The following ARID1B variants were observed in gnomAD, a reference collection of about 807,000 sequenced individuals.
The protein encoded by ARID1B is AT-rich interaction domain 1B.
ARID1B carries 30 observed loss-of-function variants against 212.3 expected under a neutral mutation model. The observed-to-expected ratio is 0.14, with a 90% CI of 0.11 to 0.19. The LOEUF (loss-of-function observed/expected upper bound fraction) is 0.19. Ranked by LOEUF, ARID1B falls within the 10% of genes least tolerant of loss-of-function variation. The pLI is 1.00. For synonymous variants in ARID1B, 1,402 were observed against 1,301.7 expected (o/e 1.08, Z -1.66); for missense variants, 2,891 against 3,204.0 (o/e 0.90, Z 2.36).
At chr6:157,011,665 A>G (rs1015268318) in intron 4 of ARID1B, among the ~76,000 whole-genome samples, 2 of 152,190 alleles carry the variant, frequency 1.3e-5, no homozygotes, top group African/African-American at 2.4e-5. Context: ...CATTTTATTT[A>G]TTTTTGTATA....
chr6:157,146,274 C>G (rs753041363), intron 7 of ARID1B, among the ~76,000 whole-genome samples: 9 of 152,196 alleles, frequency 5.9e-5, no homozygotes, highest in Non-Finnish European at 1.3e-4. Context: ...ATGGTTTAAT[C>G]CTGAGAACAC....
chr6:157,161,427 G>GTATA (rs1259094120), intron 8 of ARID1B, among the ~76,000 whole-genome samples: 25 of 130,054 alleles, frequency 1.9e-4, no homozygotes, highest in Admixed American at 7.3e-4. Context: ...TTGATTGTGT[G>GTATA]TGTGTATATA....
intron 4 of ARID1B, among the ~76,000 whole-genome samples, chr6:157,044,958 A>G (rs899483242): frequency 6.6e-6 from 1 of 152,218 alleles, no homozygotes; most frequent in Non-Finnish European, 1.5e-5. Flanking sequence ...AGTTTTTAGC[A>G]TAACAGCCAT....
chr6:157,000,151 T>G (rs1006037229), intron 4 of ARID1B, among the ~76,000 whole-genome samples: 1 of 152,120 alleles, frequency 6.6e-6, no homozygotes, highest in Non-Finnish European at 1.5e-5. Context: ...GAGAAGGCCC[T>G]GCTACAGGAA....
At chr6:156,865,430 A>G (rs1785615327) in intron 2 of ARID1B, among the ~76,000 whole-genome samples, 1 of 152,174 alleles carries the variant, frequency 6.6e-6, no homozygotes, top group African/African-American at 2.4e-5. Context: ...TGCTGTTGTG[A>G]AGTTTGAAGC....
rs116517862 is a variant in ARID1B at position 156,828,756 on chromosome 6, G to A, written c.1792-471G>A. Among the ~76,000 whole-genome samples, 574 of 152,228 alleles carry A rather than the reference G, an allele frequency of 3.8e-3. 2 individuals carry two copies. Among genetic ancestry groups the A allele is most frequent in the African/African-American group, 0.013 (537 of 41,538 alleles). On this transcript the variant is annotated intron_variant, in intron 1 of 19. Coordinates refer to ENST00000636930, the MANE Select transcript of ARID1B (RefSeq NM_001374828.1). ...TCTTTTCACTTTTTAATGAACACTCGGTTGCACTAAGGTTTGATCAAGACT... is the reference window on the plus strand; with the variant it reads ...TCTTTTCACTTTTTAATGAACACTCAGTTGCACTAAGGTTTGATCAAGACT...
chr6:156,983,788 G>A (rs994106268), intron 4 of ARID1B, among the ~76,000 whole-genome samples: 1 of 152,076 alleles, frequency 6.6e-6, no homozygotes, highest in African/African-American at 2.4e-5. Flanking sequence ...CAGATGCTCT[G>A]GCTTTACAAA....
chr6:156,910,236 C>T (rs1038583713), intron 3 of ARID1B, among the ~76,000 whole-genome samples: 2 of 152,176 alleles, frequency 1.3e-5, no homozygotes, highest in Non-Finnish European at 2.9e-5. Flanking sequence ...TTGTAGACCA[C>T]ACCATTAAGT....
At chr6:157,116,993 A>G (rs767185553) in intron 6 of ARID1B, among the ~76,000 whole-genome samples, 8 of 152,148 alleles carry the variant, frequency 5.3e-5, no homozygotes, top group Non-Finnish European at 1.0e-4. Context: ...AGCCTCTGGT[A>G]TTTTGTCCAG....
chr6:157,178,811 C>G (rs1792298701), intron 11 of ARID1B, among the ~76,000 whole-genome samples: 1 of 152,122 alleles, frequency 6.6e-6, no homozygotes, highest in Admixed American at 6.5e-5. Context: ...TTGTAAGAAT[C>G]CAGTCCCTTC....
intron 4 of ARID1B, among the ~76,000 whole-genome samples, chr6:157,049,650 G>C (rs574745860): frequency 6.6e-6 from 1 of 152,150 alleles, no homozygotes; most frequent in African/African-American, 2.4e-5. Context: ...GAAGAGGGGA[G>C]GTGAAGAACA....
intron 12 of ARID1B, among the ~76,000 whole-genome samples, chr6:157,181,969 G>C (rs571095496): frequency 1.2e-4 from 18 of 152,306 alleles, no homozygotes; most frequent in African/African-American, 3.8e-4. Flanking sequence ...AGTACAGGAT[G>C]GGGTGCAGTG....
chr6:156,925,921 C>T (rs1791182723), intron 3 of ARID1B, among the ~76,000 whole-genome samples: 1 of 152,200 alleles, frequency 6.6e-6, no homozygotes, highest in South Asian at 2.1e-4. Context: ...ATGTGATGCA[C>T]TCGTAGTCTG....
At chr6:156,812,976 G>GTGTGTGTGTGTA (rs554173642) in intron 1 of ARID1B, among the ~76,000 whole-genome samples, 15 of 104,346 alleles carry the variant, frequency 1.4e-4, no homozygotes, top group South Asian at 3.4e-4. Flanking sequence ...GTGTGTGTGT[G>GTGTGTGTGTGTA]TATGTATATA....
chr6:157,072,671 T>C (rs2128434085), intron 4 of ARID1B: 1 of 152,372 alleles, frequency 6.6e-6, no homozygotes, highest in African/African-American at 2.4e-5. Flanking sequence ...TGTCCAGTTT[T>C]CTTATTTCCT....
At chr6:156,996,501 A>G (rs1182105883) in intron 4 of ARID1B, among the ~76,000 whole-genome samples, 2 of 152,198 alleles carry the variant, frequency 1.3e-5, no homozygotes, top group Non-Finnish European at 2.9e-5. Flanking sequence ...CTGGGCCTCC[A>G]TTTGTTTCTC....
At chr6:157,060,019 T>C (rs1783240463) in intron 4 of ARID1B, among the ~76,000 whole-genome samples, 1 of 152,216 alleles carries the variant, frequency 6.6e-6, no homozygotes, top group Non-Finnish European at 1.5e-5. Flanking sequence ...GGCAGGGCAC[T>C]TGAATTTCTA....
chr6:156,981,860 A>G (rs1011636456), intron 4 of ARID1B, among the ~76,000 whole-genome samples: 1 of 152,002 alleles, frequency 6.6e-6, no homozygotes, highest in Non-Finnish European at 1.5e-5. Context: ...GCCCTCCAAC[A>G]ACTGGGCAGT....
intron 4 of ARID1B, among the ~76,000 whole-genome samples, chr6:157,063,425 A>G (rs1037361513): frequency 6.6e-6 from 1 of 152,228 alleles, no homozygotes; most frequent in Non-Finnish European, 1.5e-5. Flanking sequence ...CATGCGGCTA[A>G]TAAAAAGCCA....
Sources: gnomAD v4.1 joint callset for allele counts (sites outside exome capture counted in the v4.1 genomes callset) on GRCh38, gnomAD v4.1.1 for gene constraint, MANE v1.5 for transcripts, NCBI Gene and HGNC (gene_info 2026-07-23, HGNC 2026-07-21) for gene names.